KIAA1328: variants seen among roughly 807,000 people sequenced by gnomAD.
KIAA1328 encodes the protein protein hinderin.
A neutral mutation model predicts 68.1 loss-of-function variants in KIAA1328; 52 were observed. The ratio of observed to expected loss-of-function variants is 0.76; its 90% confidence interval spans 0.61 to 0.96. KIAA1328 has a LOEUF of 0.96. Ranked by LOEUF, KIAA1328 falls within the 40% of genes least tolerant of loss-of-function variation. The pLI is 0.00. For synonymous variants in KIAA1328, 232 were observed against 239.4 expected, an observed-to-expected ratio of 0.97 and a Z score of 0.28; for missense variants, 641 against 677.6, an observed-to-expected ratio of 0.95 and a Z score of 0.60.
intron 6 of KIAA1328, among the ~76,000 whole-genome samples, chr18:37,046,408 TTC>T (rs1320912563): frequency 2.0e-5 from 3 of 152,164 alleles, no homozygotes; most frequent in East Asian, 3.9e-4. Flanking sequence ...TTTGAACAGG[TTC>T]TCTCTTTCTT....
intron 7 of KIAA1328, among the ~76,000 whole-genome samples, chr18:37,070,444 C>G (rs1392497536): frequency 6.6e-6 from 1 of 151,942 alleles, no homozygotes; most frequent in Admixed American, 6.6e-5. Context: ...TCTATTTTTC[C>G]TATTAGTTCT....
chr18:37,140,087 T>C (rs2058734587), intron 7 of KIAA1328, among the ~76,000 whole-genome samples: 1 of 152,144 alleles, frequency 6.6e-6, no homozygotes, highest in Non-Finnish European at 1.5e-5. Context: ...TTAGAACAAA[T>C]TAAAGGTATT....
chr18:37,047,478 C>G (rs915812679), intron 6 of KIAA1328, among the ~76,000 whole-genome samples: 1 of 152,114 alleles, frequency 6.6e-6, no homozygotes, highest in African/African-American at 2.4e-5. Context: ...CATCTATTTG[C>G]CATTGCCCTG....
chr18:37,110,436 A>G (rs947778949), intron 7 of KIAA1328, among the ~76,000 whole-genome samples: 1 of 152,204 alleles, frequency 6.6e-6, no homozygotes, highest in Non-Finnish European at 1.5e-5. Flanking sequence ...TTAAGAAGTA[A>G]TTATTAAGTC....
intron 4 of KIAA1328, among the ~76,000 whole-genome samples, chr18:36,844,771 C>T (rs2046971621): frequency 6.6e-6 from 1 of 151,650 alleles, no homozygotes; most frequent in South Asian, 2.1e-4. Flanking sequence ...AGTACTATTC[C>T]AGTTTATTAG....
At chr18:37,008,424 C>G (rs1020782616) in intron 6 of KIAA1328, among the ~76,000 whole-genome samples, 1 of 152,154 alleles carries the variant, frequency 6.6e-6, no homozygotes, top group African/African-American at 2.4e-5. Context: ...AAAATATGCT[C>G]TATAGGATTA....
intron 5 of KIAA1328, among the ~76,000 whole-genome samples, chr18:36,898,477 C>A (rs1426682129): frequency 6.6e-6 from 1 of 151,904 alleles, no homozygotes; most frequent in East Asian, 1.9e-4. Context: ...ATGCAGAAAT[C>A]AAGCTGAGAA....
chr18:36,847,178 G>T (rs775754645), intron 4 of KIAA1328, among the ~76,000 whole-genome samples: 4 of 151,360 alleles, frequency 2.6e-5, no homozygotes, highest in Admixed American at 6.6e-5. Flanking sequence ...CTATTAATGG[G>T]CATTTGGGTT....
intron 6 of KIAA1328, among the ~76,000 whole-genome samples, chr18:36,986,298 A>T (rs1038936843): frequency 5.3e-5 from 8 of 152,200 alleles, no homozygotes; most frequent in Admixed American, 3.3e-4. Flanking sequence ...ACATGAGTGA[A>T]TGTCAAAATA....
chr18:37,135,279 G>A (rs2058618450), intron 7 of KIAA1328, among the ~76,000 whole-genome samples: 1 of 152,186 alleles, frequency 6.6e-6, no homozygotes, highest in African/African-American at 2.4e-5. Context: ...TCTTCAGACT[G>A]CTTTCCACAG....
At chr18:37,064,992 A>G (rs2056293436) in intron 6 of KIAA1328, among the ~76,000 whole-genome samples, 1 of 152,212 alleles carries the variant, frequency 6.6e-6, no homozygotes. Flanking sequence ...CTAAGTTGTT[A>G]TAGCCACAGT....
At chr18:37,107,945 C>T (rs1033824275) in intron 7 of KIAA1328, among the ~76,000 whole-genome samples, 2 of 151,820 alleles carry the variant, frequency 1.3e-5, no homozygotes, top group African/African-American at 4.8e-5. Context: ...GTAAACGCAG[C>T]CACTGTAGAA....
Position 37,223,045 on chromosome 18 carries a change from T to TCGGGGGGGGGGGGGGGCCCCCC in KIAA1328, c.*819_*820insGGGGGGGGGGGGGGGCCCCCCC. 2.1e-6 allele frequency: 2 copies of TCGGGGGGGGGGGGGGGCCCCCC among 974,260 alleles called. No individual in the cohort carries two copies. Among genetic ancestry groups the TCGGGGGGGGGGGGGGGCCCCCC allele is most frequent in the Non-Finnish European group, 2.4e-6 (2 of 825,512 alleles). 60.4% of individuals were successfully genotyped at this position (974,260 alleles called of 1,614,324 possible). On this transcript the variant is annotated 3_prime_UTR_variant, in exon 10 of 10. Transcript: ENST00000280020. ...TTATTTACCCAAGTGTTCAGCTTAT[T>TCGGGGGGGGGGGGGGGCCCCCC]CACCCCACCCCCCCACCCCCCATCA...
At chr18:37,172,058 C>T (rs993753687) in intron 8 of KIAA1328, among the ~76,000 whole-genome samples, 1 of 152,228 alleles carries the variant, frequency 6.6e-6, no homozygotes, top group Non-Finnish European at 1.5e-5. Flanking sequence ...TTGCACGCAA[C>T]CTGTTGCCAT....
intron 6 of KIAA1328, among the ~76,000 whole-genome samples, chr18:36,994,026 A>G (rs754615138): frequency 2.0e-5 from 3 of 152,084 alleles, no homozygotes; most frequent in East Asian, 1.9e-4. Flanking sequence ...AATTACAACA[A>G]TTGTGAGAAA....
At chr18:37,126,900 T>G in intron 7 of KIAA1328, among the ~76,000 whole-genome samples, 2 of 152,208 alleles carry the variant, frequency 1.3e-5, no homozygotes, top group Middle Eastern at 6.8e-3. Flanking sequence ...ATAAAAAAAA[T>G]CTCTCAATAT....
intron 8 of KIAA1328, among the ~76,000 whole-genome samples, chr18:37,168,920 C>T (rs1303348329): frequency 1.3e-5 from 2 of 151,212 alleles, no homozygotes; most frequent in Non-Finnish European, 1.5e-5. Flanking sequence ...GGCCCAGAAA[C>T]AGAGTTTTCT....
intron 7 of KIAA1328, among the ~76,000 whole-genome samples, chr18:37,111,023 T>C (rs2151902196): frequency 6.6e-6 from 1 of 152,326 alleles, no homozygotes; most frequent in East Asian, 1.9e-4. Flanking sequence ...CCTTTAACCG[T>C]GAACCTGAGC....
intron 7 of KIAA1328, among the ~76,000 whole-genome samples, chr18:37,152,111 A>C (rs1418385276): frequency 1.3e-5 from 2 of 151,846 alleles, no homozygotes; most frequent in African/African-American, 2.4e-5. Context: ...AAAAAAAAAA[A>C]AAAAAACAGA....
Sources: allele counts gnomAD v4.1 joint callset (sites outside exome capture counted in the v4.1 genomes callset), GRCh38; gene constraint gnomAD v4.1.1; transcripts MANE v1.5; gene names NCBI Gene and HGNC (gene_info 2026-07-23, HGNC 2026-07-21).